PSMF1: variants seen among roughly 807,000 people sequenced by gnomAD.
The protein encoded by PSMF1 is proteasome inhibitor PI31 subunit.
PSMF1 carries 30 observed loss-of-function variants against 29.3 expected under a neutral mutation model. That is an observed-to-expected ratio of 1.02 (90% CI 0.77 to 1.39). The LOEUF (loss-of-function observed/expected upper bound fraction) is 1.39, where lower values mean the gene tolerates loss of function less well. PSMF1 is among the 40% of genes most tolerant of loss of function. The probability of loss-of-function intolerance (pLI) is 0.00; values close to 1 mark genes in which losing one functional copy is unlikely to be tolerated. For synonymous variants in PSMF1, 134 were observed against 139.7 expected (o/e 0.96, Z 0.29); for missense variants, 344 against 357.5 (o/e 0.96, Z 0.31).
intron 4 of PSMF1, among the ~76,000 whole-genome samples, chr20:1,153,559 A>G (rs1162383750): frequency 6.6e-6 from 1 of 152,072 alleles, no homozygotes; most frequent in Non-Finnish European, 1.5e-5. Context: ...GTGCCATACA[A>G]CGAAACAATA....
rs2086732099 is a variant in PSMF1 at position 1,166,517 on chromosome 20, A to G, written c.*1437A>G. On this transcript the variant is annotated 3_prime_UTR_variant, in exon 7 of 7. Transcript: ENST00000335877. Reference sequence around the variant, plus strand: ...CTATCTGCTTAGCCTGAGAACAGGTAGATGAAAACTAAACTGATGCCTAGG... The same window carrying G: ...CTATCTGCTTAGCCTGAGAACAGGTGGATGAAAACTAAACTGATGCCTAGG... The G allele has an allele frequency of 3.9e-6, 2 of 516,052 alleles. No individual in the cohort carries two copies. Among genetic ancestry groups the G allele is most frequent in the Non-Finnish European group, 7.0e-6 (2 of 284,098 alleles). 32.0% of individuals were successfully genotyped at this position (516,052 alleles called of 1,614,324 possible). A position where few individuals can be genotyped will look rare whatever the true frequency, so the allele number is the denominator to read the frequency against.
At chr20:1,156,985 C>T (rs1009794134) in intron 4 of PSMF1, among the ~76,000 whole-genome samples, 9 of 152,088 alleles carry the variant, frequency 5.9e-5, no homozygotes, top group African/African-American at 1.2e-4. Flanking sequence ...TTAACTTATA[C>T]GATCACAAGG....
chr20:1,147,133 G>A (rs57063636), intron 4 of PSMF1, among the ~76,000 whole-genome samples: 1,464 of 137,802 alleles, frequency 0.011, 20 homozygotes, highest in African/African-American at 0.036. Context: ...CATTGTTTCC[G>A]TTATCATCAT....
In PSMF1 at chr20:1,171,016, A is replaced by G. The variant is rs1012123742; in HGVS notation, c.*5936A>G. On this transcript the variant is annotated 3_prime_UTR_variant, in exon 7 of 7. Transcript: ENST00000335877. ...CCAGGTCAGTGCTCTTTTCAGTAGA[A>G]CTGCTGTACCCAGACCTCACATCCT... Among the ~76,000 whole-genome samples the G allele has an allele frequency of 3.9e-5, 6 of 152,050 alleles. No homozygotes were observed. The highest frequency in any genetic ancestry group is 3.9e-4 in the Admixed American group (6 of 15,266).
chr20:1,158,778 C>T (rs1263243504), intron 4 of PSMF1, among the ~76,000 whole-genome samples: 2 of 152,088 alleles, frequency 1.3e-5, no homozygotes, highest in Non-Finnish European at 2.9e-5. Flanking sequence ...AGGCCATGTA[C>T]GAAAATGATT....
chr20:1,165,221 C>A lies in PSMF1; in HGVS notation c.*141C>A. On this transcript the variant is annotated 3_prime_UTR_variant, in exon 7 of 7. Transcript: ENST00000335877. ...TTGCAGACCGGCTGGGATAGCCTCC[C>A]CACCCCTTATCAGAGCCAAGACACC... 1 of 1,488,228 alleles carries A rather than the reference C, an allele frequency of 6.7e-7. No individual in the cohort carries two copies. The highest frequency in any genetic ancestry group is 2.5e-5 in the East Asian group (1 of 40,524). The allele number at this position is 1,488,228 out of a possible 1,614,324, so 92.2% of individuals were successfully genotyped here. A position where few individuals can be genotyped will look rare whatever the true frequency, so the allele number is the denominator to read the frequency against.
At chr20:1,159,228 T>TG (rs907176513) in intron 4 of PSMF1, among the ~76,000 whole-genome samples, 6 of 152,160 alleles carry the variant, frequency 3.9e-5, no homozygotes, top group South Asian at 2.1e-4. Context: ...ATAATAGAGA[T>TG]GGGGGTCTCA....
At chr20:1,118,556 AC>A (rs2086035867), upstream of PSMF1, 1 of 489,192 alleles carries the variant, frequency 2.0e-6, no homozygotes. Flanking sequence ...CGCGTTGCCA[AC>A]CCGGCGCGCC....
intron 4 of PSMF1, among the ~76,000 whole-genome samples, chr20:1,159,358 G>A (rs923624132): frequency 3.3e-5 from 5 of 151,814 alleles, no homozygotes; most frequent in Non-Finnish European, 7.4e-5. Flanking sequence ...ACATGGTTTT[G>A]CTATGCTGGC....
rs201962566 is a variant in PSMF1, at chr20:1,125,851, A to G, written c.282+201A>G. On this transcript the variant is annotated intron_variant, in intron 2 of 6. Coordinates refer to ENST00000335877, the MANE Select transcript of PSMF1 (RefSeq NM_006814.5). ...ACAAAGGTATCCACCACCTGGAATTAAGAAGGAGGGGCTTTCTGTCAACAG... is the reference window on the plus strand; with the variant it reads ...ACAAAGGTATCCACCACCTGGAATTGAGAAGGAGGGGCTTTCTGTCAACAG... 388 of 734,174 alleles carry G rather than the reference A, an allele frequency of 5.3e-4. 3 individuals are homozygous for G. The highest frequency in any genetic ancestry group is 2.3e-4 in the Admixed American group (12 of 51,376). 45.5% of individuals were successfully genotyped at this position (734,174 alleles called of 1,614,324 possible). A position where few individuals can be genotyped will look rare whatever the true frequency, so the allele number is the denominator to read the frequency against.
rs994946440 is a variant in PSMF1, at chr20:1,167,497, C to T, written c.*2417C>T. On this transcript the variant is annotated 3_prime_UTR_variant, in exon 7 of 7. Transcript: ENST00000335877. ...CCACCTCAAAAAGAAACCACACACC[C>T]ATTGGCATGACTCCCCATTCCCTTG... 4 of 152,252 alleles carry T rather than the reference C, an allele frequency of 2.6e-5. No homozygotes were observed. Among genetic ancestry groups the T allele is most frequent in the African/African-American group, 9.7e-5 (4 of 41,410 alleles). The allele number at this position is 152,252 out of a possible 1,614,324, so 9.4% of individuals were successfully genotyped here.
intron 3 of PSMF1, among the ~76,000 whole-genome samples, chr20:1,129,891 T>G (rs1321486058): frequency 6.6e-6 from 1 of 152,258 alleles, no homozygotes; most frequent in Non-Finnish European, 1.5e-5. Context: ...AGAAGCATTA[T>G]TCACAGTAGC....
chr20:1,146,835 G>A lies in PSMF1; in HGVS notation c.551+11529G>A, dbSNP rs1347165599. On this transcript the variant is annotated intron_variant, in intron 4 of 6. Coordinates refer to ENST00000335877, the MANE Select transcript of PSMF1 (RefSeq NM_006814.5). ...TGTCAAAGGTTTTGTAGGATTGAAT[G>A]TGATCGTGGATATCACATGTTGACA... is the stretch of plus-strand genomic sequence containing the variant. Among the ~76,000 whole-genome samples, 3 of 152,194 alleles carry A rather than the reference G, an allele frequency of 2.0e-5. No individual in the cohort carries two copies. The East Asian group carries it at 5.8e-4, about 29-fold the overall frequency.
At chr20:1,126,590 A>G (rs536706436) in intron 2 of PSMF1, among the ~76,000 whole-genome samples, 1 of 152,246 alleles carries the variant, frequency 6.6e-6, no homozygotes, top group South Asian at 2.1e-4. Context: ...AAGAACCAGG[A>G]TCACCCAGGC....
rs909177304 is a variant in PSMF1, at chr20:1,168,915, G to A, written c.*3835G>A. On this transcript the variant is annotated 3_prime_UTR_variant, in exon 7 of 7. Transcript: ENST00000335877. The stretch of plus-strand genomic sequence containing the variant: ...TGTTTCTGTCATAAAACTTGCATGT[G>A]TATAAACCACTATTGACTTTTTGCA... Among the ~76,000 whole-genome samples the A allele has an allele frequency of 6.6e-6, 1 of 152,152 alleles. No individual in the cohort carries two copies. Among genetic ancestry groups the A allele is most frequent in the Non-Finnish European group, 1.5e-5 (1 of 68,026 alleles).
At position 1,166,267 on chromosome 20, in the gene PSMF1, T is replaced by G; in HGVS notation, c.*1187T>G. The G allele has an allele frequency of 6.2e-7, 1 of 1,611,952 alleles. No homozygotes were observed. Among genetic ancestry groups the G allele is most frequent in the Non-Finnish European group, 8.5e-7 (1 of 1,179,448 alleles). On this transcript the variant is annotated 3_prime_UTR_variant, in exon 7 of 7. Coordinates refer to ENST00000335877, the MANE Select transcript of PSMF1 (RefSeq NM_006814.5). ...ACGCGGGCAGTGATGAGCCCTGTTC[T>G]GGAGTGGAAAGAGCACGATAGAGCA...
At chr20:1,139,661 C>T (rs549698475) in intron 4 of PSMF1, among the ~76,000 whole-genome samples, 7 of 151,240 alleles carry the variant, frequency 4.6e-5, no homozygotes, top group South Asian at 4.2e-4. Flanking sequence ...AGGAGAACGG[C>T]GTGAACCCGG....
chr20:1,161,791 C>T (rs1350275738), intron 4 of PSMF1: 1 of 371,044 alleles, frequency 2.7e-6, no homozygotes, highest in Non-Finnish European at 5.0e-6. Context: ...ATGCCAGCCT[C>T]ACAAAACTGG....
chr20:1,146,908 T>C (rs894321231), intron 4 of PSMF1, among the ~76,000 whole-genome samples: 1 of 152,158 alleles, frequency 6.6e-6, no homozygotes, highest in Admixed American at 6.5e-5. Flanking sequence ...GAAAAAAATA[T>C]TCAGTGGATG....
Sources: allele counts gnomAD v4.1 joint callset (sites outside exome capture counted in the v4.1 genomes callset), GRCh38; gene constraint gnomAD v4.1.1; transcripts MANE v1.5; gene names NCBI Gene and HGNC (gene_info 2026-07-23, HGNC 2026-07-21).